ASAP1: variants seen among roughly 807,000 people sequenced by gnomAD.
ASAP1 encodes ArfGAP with SH3 domain, ankyrin repeat and PH domain 1, also known as arf-GAP with SH3 domain, ANK repeat and PH domain-containing protein 1.
A neutral mutation model predicts 145.2 loss-of-function variants in ASAP1; 43 were observed. The observed-to-expected ratio is 0.30, with a 90% confidence interval of 0.23 to 0.38. The LOEUF is 0.38. Among genes scored for constraint, ASAP1 ranks in the 10% least tolerant of loss-of-function variants. The probability of loss-of-function intolerance (pLI) is 1.00; values close to 1 mark genes in which losing one functional copy is unlikely to be tolerated. For missense variants in ASAP1, 1,018 were observed against 1,355.3 expected (o/e 0.75, Z 3.91); for synonymous variants, 546 against 515.5 (o/e 1.06, Z -0.80).
At chr8:130,136,863 T>G in intron 14 of ASAP1, 88 bp downstream of exon 14, 1 of 1,130,972 alleles carries the variant, frequency 8.8e-7, no homozygotes. Flanking sequence ...TGAGGAGCCC[T>G]GCTTGGAAAA....
At chr8:130,293,871 G>A (rs1208383435) in intron 3 of ASAP1, among the ~76,000 whole-genome samples, 1 of 152,176 alleles carries the variant, frequency 6.6e-6, no homozygotes, top group Non-Finnish European at 1.5e-5. Flanking sequence ...TACTGAATGT[G>A]CACCATGTGC....
intron 15 of ASAP1, among the ~76,000 whole-genome samples, chr8:130,131,034 G>GT (rs2097582162): frequency 6.6e-6 from 1 of 152,144 alleles, no homozygotes; most frequent in African/African-American, 2.4e-5. Flanking sequence ...GCACGCGCCT[G>GT]TAGTTCCAGG....
chr8:130,219,774 A>C (rs1396293213), intron 4 of ASAP1, among the ~76,000 whole-genome samples: 2 of 152,214 alleles, frequency 1.3e-5, no homozygotes, highest in Non-Finnish European at 2.9e-5. Context: ...ACATTGTTGC[A>C]GAAGGCAAGA....
At chr8:130,096,355 G>A (rs1242680997) in intron 24 of ASAP1, among the ~76,000 whole-genome samples, 2 of 152,084 alleles carry the variant, frequency 1.3e-5, no homozygotes, top group Admixed American at 6.6e-5. Context: ...AAAATAAAAT[G>A]GAACACAGCA....
At chr8:130,398,941 A>G (rs1025370845) in intron 2 of ASAP1, among the ~76,000 whole-genome samples, 1 of 152,226 alleles carries the variant, frequency 6.6e-6, no homozygotes, top group Non-Finnish European at 1.5e-5. Flanking sequence ...TTCTATAACA[A>G]TAACTCTCAA....
chr8:130,204,040 C>T (rs1816040651), intron 5 of ASAP1, among the ~76,000 whole-genome samples: 1 of 152,092 alleles, frequency 6.6e-6, no homozygotes, highest in Non-Finnish European at 1.5e-5. Flanking sequence ...GTCCCCAGTC[C>T]CCAGGCCACG....
chr8:130,368,904 C>T (rs1827086848), intron 2 of ASAP1, among the ~76,000 whole-genome samples: 1 of 152,148 alleles, frequency 6.6e-6, no homozygotes, highest in African/African-American at 2.4e-5. Flanking sequence ...GTAAGCTAGT[C>T]TGAGTTGGGT....
chr8:130,214,123 A>G (rs968950998), intron 5 of ASAP1, among the ~76,000 whole-genome samples: 1 of 152,218 alleles, frequency 6.6e-6, no homozygotes, highest in Admixed American at 6.5e-5. Flanking sequence ...GATCACCTTC[A>G]CACAAGTGAG....
intron 3 of ASAP1, among the ~76,000 whole-genome samples, chr8:130,259,913 T>G: frequency 6.6e-6 from 1 of 152,224 alleles, no homozygotes. Context: ...TGCATTTATC[T>G]ATCAGTCATA....
At chr8:130,357,685 G>A (rs1048676433) in intron 3 of ASAP1, among the ~76,000 whole-genome samples, 5 of 152,196 alleles carry the variant, frequency 3.3e-5, no homozygotes, top group African/African-American at 1.2e-4. Context: ...CACCTACCTC[G>A]AGGGTTACAG....
At chr8:130,235,708 T>A (rs1391981004) in intron 4 of ASAP1, among the ~76,000 whole-genome samples, 2 of 152,174 alleles carry the variant, frequency 1.3e-5, no homozygotes, top group East Asian at 3.9e-4. Context: ...CAAAATGTGT[T>A]AACAATTAAT....
At chr8:130,099,476 G>A (rs1446566659) in intron 24 of ASAP1, among the ~76,000 whole-genome samples, 7 of 151,484 alleles carry the variant, frequency 4.6e-5, no homozygotes, top group African/African-American at 9.7e-5. Flanking sequence ...CACTGCGCCC[G>A]GCCAGGCCCA....
intron 25 of ASAP1, among the ~76,000 whole-genome samples, chr8:130,086,361 C>T (rs6996435): frequency 0.02 from 3,046 of 152,378 alleles, 45 homozygotes; most frequent in East Asian, 0.053. Context: ...TACGTTAACA[C>T]ATGCGAAGTG....
chr8:130,216,430 G>C (rs772276713), intron 4 of ASAP1, among the ~76,000 whole-genome samples: 1 of 152,190 alleles, frequency 6.6e-6, no homozygotes, highest in Non-Finnish European at 1.5e-5. Context: ...CTGACATAAA[G>C]TATATAAAAG....
intron 3 of ASAP1, among the ~76,000 whole-genome samples, chr8:130,256,780 T>TAC (rs1819591236): frequency 7.6e-6 from 1 of 131,464 alleles, no homozygotes; most frequent in Admixed American, 7.7e-5. Flanking sequence ...TATATATATA[T>TAC]ATCCTTATAT....
At chr8:130,196,691 T>G (rs1272558724) in intron 5 of ASAP1, among the ~76,000 whole-genome samples, 4 of 152,218 alleles carry the variant, frequency 2.6e-5, no homozygotes, top group Non-Finnish European at 2.9e-5. Context: ...CACTGCCCAT[T>G]GGTTCTCTCT....
At chr8:130,426,570 T>G (rs866591337) in intron 1 of ASAP1, among the ~76,000 whole-genome samples, 1 of 152,322 alleles carries the variant, frequency 6.6e-6, no homozygotes, top group African/African-American at 2.4e-5. Flanking sequence ...GCACCAACTT[T>G]CTTGTCACTT....
intron 3 of ASAP1, among the ~76,000 whole-genome samples, chr8:130,252,336 G>A (rs1187979226): frequency 1.3e-5 from 2 of 152,170 alleles, no homozygotes; most frequent in Non-Finnish European, 2.9e-5. Context: ...TTTAACAGCT[G>A]TGCTATGTTG....
At chr8:130,397,427 C>T (rs1586970992) in intron 2 of ASAP1, among the ~76,000 whole-genome samples, 1 of 152,332 alleles carries the variant, frequency 6.6e-6, no homozygotes, top group East Asian at 1.9e-4. Context: ...AGGCATGAGC[C>T]ACCATGCCCA....
Sources: gnomAD v4.1 joint callset for allele counts (sites outside exome capture counted in the v4.1 genomes callset) on GRCh38, gnomAD v4.1.1 for gene constraint, MANE v1.5 for transcripts, NCBI Gene and HGNC (gene_info 2026-07-23, HGNC 2026-07-21) for gene names.